The following BTRC variants were observed in gnomAD, a reference collection of about 807,000 sequenced individuals.
BTRC encodes beta-transducin repeat containing E3 ubiquitin protein ligase, also known as F-box/WD repeat-containing protein 1A.
A neutral mutation model predicts 85.5 loss-of-function variants in BTRC; 42 were observed. The observed-to-expected ratio is 0.49, with a 90% CI of 0.38 to 0.64. The LOEUF is 0.64. BTRC is among the 30% of genes least tolerant of loss of function. BTRC has a pLI of 0.00. For synonymous variants in BTRC, 255 were observed against 263.3 expected, an observed-to-expected ratio of 0.97 and a Z score of 0.30; for missense variants, 594 against 743.5, an observed-to-expected ratio of 0.80 and a Z score of 2.34.
At chr10:101,366,908 TAATA>T (rs1942431191) in intron 1 of BTRC, among the ~76,000 whole-genome samples, 1 of 18,876 alleles carries the variant, frequency 5.3e-5, no homozygotes, top group South Asian at 1.5e-3. Context: ...TTATATATAT[TAATA>T]TATATTTATA....
chr10:101,505,262 C>G (rs1380293590), intron 4 of BTRC, among the ~76,000 whole-genome samples: 2 of 149,006 alleles, frequency 1.3e-5, no homozygotes, highest in Non-Finnish European at 1.5e-5. Flanking sequence ...CCTCAGCCTC[C>G]CAAAGTGCTG....
At chr10:101,384,715 A>C (rs955348493) in intron 1 of BTRC, among the ~76,000 whole-genome samples, 1 of 152,208 alleles carries the variant, frequency 6.6e-6, no homozygotes, top group Admixed American at 6.5e-5. Flanking sequence ...CACAGGACCT[A>C]GAAAGAGTGG....
At chr10:101,437,674 T>C (rs1944566867) in intron 2 of BTRC, among the ~76,000 whole-genome samples, 1 of 152,236 alleles carries the variant, frequency 6.6e-6, no homozygotes, top group African/African-American at 2.4e-5. Context: ...GTTTATCTCA[T>C]AGATAGCTGC....
chr10:101,365,785 A>G (rs11594460), intron 1 of BTRC, among the ~76,000 whole-genome samples: 41,585 of 152,132 alleles, frequency 0.27, 6,813 homozygotes, highest in South Asian at 0.41. Context: ...ACTTCTTTCA[A>G]TTCTTTTATG....
intron 2 of BTRC, among the ~76,000 whole-genome samples, chr10:101,458,057 G>A (rs1564785117): frequency 1.3e-5 from 2 of 152,086 alleles, no homozygotes; most frequent in Admixed American, 1.3e-4. Context: ...ATGTTTCAGT[G>A]CGTGTTTCCA....
intron 1 of BTRC, among the ~76,000 whole-genome samples, chr10:101,409,959 T>C (rs1339327317): frequency 6.6e-6 from 1 of 152,186 alleles, no homozygotes; most frequent in Non-Finnish European, 1.5e-5. Context: ...GCTATGGTAG[T>C]TCTGTGTTTT....
chr10:101,360,856 C>G (rs1420288224), intron 1 of BTRC, among the ~76,000 whole-genome samples: 1 of 152,144 alleles, frequency 6.6e-6, no homozygotes, highest in Non-Finnish European at 1.5e-5. Flanking sequence ...TTGGGCGCAG[C>G]TCTGCCATCA....
chr10:101,414,643 A>T (rs568368770), intron 1 of BTRC: 43 of 518,224 alleles, frequency 8.3e-5, no homozygotes, highest in Admixed American at 7.8e-4. Flanking sequence ...ATAGATGTTA[A>T]TTGCTCCCAA....
intron 1 of BTRC, among the ~76,000 whole-genome samples, chr10:101,389,243 G>A (rs1001080191): frequency 2.1e-5 from 3 of 141,816 alleles, no homozygotes; most frequent in Admixed American, 7.7e-5. Context: ...TTTTTCTTAT[G>A]CCGATATGCA....
At chr10:101,527,014 T>G (rs2062202424) in intron 6 of BTRC, among the ~76,000 whole-genome samples, 1 of 152,232 alleles carries the variant, frequency 6.6e-6, no homozygotes, top group Non-Finnish European at 1.5e-5. Flanking sequence ...TTAAATACTT[T>G]TCTCTCAGAG....
intron 1 of BTRC, among the ~76,000 whole-genome samples, chr10:101,385,157 C>T (rs916198912): frequency 2.6e-4 from 39 of 151,726 alleles, no homozygotes; most frequent in Non-Finnish European, 2.4e-4. Flanking sequence ...ATGATTCCTC[C>T]GCTGCATTCC....
chr10:101,514,104 A>G (rs1019285985), intron 4 of BTRC, among the ~76,000 whole-genome samples: 3 of 152,172 alleles, frequency 2.0e-5, no homozygotes, highest in Admixed American at 6.5e-5. Context: ...TCTTTTGCCT[A>G]TTTAATAAAA....
intron 3 of BTRC, among the ~76,000 whole-genome samples, chr10:101,472,553 C>T (rs965548194): frequency 1.3e-5 from 2 of 152,038 alleles, no homozygotes; most frequent in African/African-American, 2.4e-5. Flanking sequence ...GTGGCTCATG[C>T]CTATAATCCC....
At chr10:101,427,802 A>T (rs1944300487) in intron 1 of BTRC, among the ~76,000 whole-genome samples, 1 of 152,162 alleles carries the variant, frequency 6.6e-6, no homozygotes, top group South Asian at 2.1e-4. Context: ...TGCTGGGATT[A>T]TAGGATTGAG....
intron 2 of BTRC, among the ~76,000 whole-genome samples, chr10:101,454,135 T>A (rs1181303950): frequency 2.7e-5 from 4 of 149,704 alleles, no homozygotes; most frequent in African/African-American, 9.7e-5. Context: ...AACTTTTTTT[T>A]AAGCTAGCTG....
intron 1 of BTRC, among the ~76,000 whole-genome samples, chr10:101,409,782 G>A (rs1943726912): frequency 6.6e-6 from 1 of 152,228 alleles, no homozygotes; most frequent in South Asian, 2.1e-4. Context: ...CAGTGCGTGA[G>A]TTACCAGAAT....
At chr10:101,495,287 C>G (rs1240736898) in intron 4 of BTRC, among the ~76,000 whole-genome samples, 2 of 152,140 alleles carry the variant, frequency 1.3e-5, no homozygotes, top group Admixed American at 1.3e-4. Flanking sequence ...TCTGAATTAT[C>G]TAATATTATA....
intron 1 of BTRC, among the ~76,000 whole-genome samples, chr10:101,365,537 G>T (rs1383976291): frequency 6.6e-6 from 1 of 151,600 alleles, no homozygotes. Flanking sequence ...GTGCAGTGGT[G>T]CAGTCTCAGC....
intron 3 of BTRC, among the ~76,000 whole-genome samples, chr10:101,467,903 T>C (rs1945421912): frequency 6.6e-6 from 1 of 152,224 alleles, no homozygotes; most frequent in Non-Finnish European, 1.5e-5. Flanking sequence ...AAATAGTCCA[T>C]GTAAAAGATC....
Sources: gnomAD v4.1 joint callset for allele counts (sites outside exome capture counted in the v4.1 genomes callset) on GRCh38, gnomAD v4.1.1 for gene constraint, MANE v1.5 for transcripts, NCBI Gene and HGNC (gene_info 2026-07-23, HGNC 2026-07-21) for gene names.